Variants in UNC79 observed in about 807,000 individuals in gnomAD.
The protein encoded by UNC79 is unc-79 subunit of NALCN channel complex.
UNC79 carries 37 observed loss-of-function variants against 283.1 expected under a neutral mutation model. The ratio of observed to expected loss-of-function variants is 0.13; its 90% CI spans 0.10 to 0.17. UNC79 has a LOEUF of 0.17. Among genes scored for constraint, UNC79 ranks in the 10% least tolerant of loss-of-function variants. The pLI is 1.00. For missense variants in UNC79, 2,272 were observed against 3,211.1 expected (o/e 0.71, Z 7.07); for synonymous variants, 1,107 against 1,200.2 (o/e 0.92, Z 1.61).
chr14:93,382,386 A>G (rs1213020720), intron 1 of UNC79, among the ~76,000 whole-genome samples: 4 of 152,148 alleles, frequency 2.6e-5, no homozygotes. Context: ...TCCAGGTCTG[A>G]ATCTTCAGGA....
At chr14:93,415,518 G>T (rs964637661) in intron 1 of UNC79, among the ~76,000 whole-genome samples, 1 of 151,988 alleles carries the variant, frequency 6.6e-6, no homozygotes, top group African/African-American at 2.4e-5. Flanking sequence ...TTGGTATCAG[G>T]ATGATGCTGG....
intron 1 of UNC79, among the ~76,000 whole-genome samples, chr14:93,448,722 G>C (rs535923094): frequency 2.2e-4 from 33 of 152,300 alleles, no homozygotes; most frequent in African/African-American, 7.7e-4. Context: ...TCATGCAGCA[G>C]TTCCTTACTT....
intron 30 of UNC79, among the ~76,000 whole-genome samples, chr14:93,623,753 C>G (rs769782705): frequency 6.6e-6 from 1 of 152,116 alleles, no homozygotes; most frequent in East Asian, 1.9e-4. Context: ...ATTAGTTGGG[C>G]GTGGTGGCGC....
At chr14:93,436,548 T>C (rs1185477862) in intron 1 of UNC79, among the ~76,000 whole-genome samples, 1 of 152,108 alleles carries the variant, frequency 6.6e-6, no homozygotes, top group African/African-American at 2.4e-5. Context: ...CAGTTTTACT[T>C]GGATGCTGTT....
chr14:93,466,048 A>G (rs1218064486), intron 1 of UNC79, among the ~76,000 whole-genome samples: 2 of 152,256 alleles, frequency 1.3e-5, no homozygotes, highest in South Asian at 2.1e-4. Flanking sequence ...ACTGTTTTCA[A>G]GTATCACCTA....
intron 1 of UNC79, among the ~76,000 whole-genome samples, chr14:93,354,464 G>A (rs2054044913): frequency 6.6e-6 from 1 of 152,146 alleles, no homozygotes; most frequent in African/African-American, 2.4e-5. Context: ...CAATATCCAA[G>A]AAAATTCAAA....
chr14:93,601,174 A>G (rs1022424306), intron 25 of UNC79, among the ~76,000 whole-genome samples: 2 of 152,012 alleles, frequency 1.3e-5, no homozygotes, highest in African/African-American at 4.8e-5. Context: ...TTTAGTGGTA[A>G]TTTCTGAGAT....
At chr14:93,558,512 C>T (rs1188537818) in intron 14 of UNC79, among the ~76,000 whole-genome samples, 2 of 147,134 alleles carry the variant, frequency 1.4e-5, no homozygotes, top group Non-Finnish European at 3.0e-5. Flanking sequence ...GCCGAGATCG[C>T]GCCACTGCAC....
intron 7 of UNC79, among the ~76,000 whole-genome samples, chr14:93,507,637 A>C (rs925982343): frequency 1.3e-5 from 2 of 152,182 alleles, no homozygotes; most frequent in Non-Finnish European, 2.9e-5. Context: ...TATATAATAC[A>C]AATATTTTAT....
chr14:93,577,115 G>A (rs906289733), intron 17 of UNC79, among the ~76,000 whole-genome samples: 2 of 152,170 alleles, frequency 1.3e-5, no homozygotes, highest in Admixed American at 1.3e-4. Context: ...TGGGAGGATT[G>A]CTTGAGAGTG....
intron 1 of UNC79, among the ~76,000 whole-genome samples, chr14:93,465,355 T>C (rs939631997): frequency 3.3e-5 from 5 of 152,224 alleles, no homozygotes; most frequent in Non-Finnish European, 7.3e-5. Context: ...ATTGAGTCCC[T>C]ACTAAGTGCC....
intron 14 of UNC79, among the ~76,000 whole-genome samples, chr14:93,562,043 T>C (rs1263073763): frequency 1.3e-5 from 2 of 152,176 alleles, no homozygotes; most frequent in African/African-American, 4.8e-5. Flanking sequence ...TTACTGTTCT[T>C]CAGAAATGCA....
chr14:93,551,818 C>G (rs186001569), intron 14 of UNC79, among the ~76,000 whole-genome samples: 7 of 152,314 alleles, frequency 4.6e-5, no homozygotes, highest in African/African-American at 1.2e-4. Flanking sequence ...AGATATTTCA[C>G]TCTCTTTATT....
At chr14:93,427,509 C>G (rs1266568598), upstream of UNC79, among the ~76,000 whole-genome samples, 1 of 152,062 alleles carries the variant, frequency 6.6e-6, no homozygotes, top group Admixed American at 6.6e-5. Flanking sequence ...AAAATTTTAT[C>G]TCATTCAAAA....
chr14:93,469,851 C>T (rs2057409975), intron 2 of UNC79, among the ~76,000 whole-genome samples: 1 of 152,062 alleles, frequency 6.6e-6, no homozygotes, highest in Admixed American at 6.6e-5. Context: ...CACTGTACTC[C>T]AGCCTGGGTG....
chr14:93,462,328 AC>A (rs1006969445), intron 1 of UNC79, among the ~76,000 whole-genome samples: 14 of 151,674 alleles, frequency 9.2e-5, no homozygotes, highest in African/African-American at 2.4e-4. Context: ...AAAACAAAAC[AC>A]ACACACAACA....
chr14:93,529,338 T>G lies in UNC79; in HGVS notation c.1093+12T>G. ...TCTTCTGCCACAAGGTATGGTTTAC[T>G]TAGGAAAGGATGAATAATGAGTAAT... On this transcript the variant is annotated intron_variant, in intron 10 of 48. Transcript: ENST00000555664. The G allele has an allele frequency of 3.7e-6, 6 of 1,613,692 alleles. No individual in the cohort carries two copies. The highest frequency in any genetic ancestry group is 5.1e-6 in the Non-Finnish European group (6 of 1,179,792).
intron 5 of UNC79, among the ~76,000 whole-genome samples, chr14:93,495,088 G>C (rs1242911995): frequency 2.0e-5 from 3 of 152,174 alleles, no homozygotes; most frequent in African/African-American, 7.2e-5. Flanking sequence ...GTCCAGAACT[G>C]AGTCACGTGG....
intron 1 of UNC79, among the ~76,000 whole-genome samples, chr14:93,409,594 A>C (rs1423839005): frequency 6.6e-6 from 1 of 152,148 alleles, no homozygotes. Context: ...CTTTTGAGGT[A>C]GAAGGATTGC....
Sources: allele counts gnomAD v4.1 joint callset (sites outside exome capture counted in the v4.1 genomes callset), GRCh38; gene constraint gnomAD v4.1.1; transcripts MANE v1.5; gene names NCBI Gene and HGNC (gene_info 2026-07-23, HGNC 2026-07-21).